The following NAV2 variants were observed in gnomAD, a reference collection of about 807,000 sequenced individuals.
NAV2 encodes neuron navigator 2.
A neutral mutation model predicts 223.2 loss-of-function variants in NAV2; 54 were observed. That is an observed-to-expected ratio of 0.24 (90% confidence interval 0.19 to 0.30). The LOEUF is 0.30. Among genes scored for constraint, NAV2 ranks in the 10% least tolerant of loss-of-function variants. NAV2 has a pLI of 1.00. For synonymous variants in NAV2, 1,279 were observed against 1,239.3 expected (o/e 1.03, Z -0.67); for missense variants, 2,806 against 3,147.5 (o/e 0.89, Z 2.60).
intron 1 of NAV2, among the ~76,000 whole-genome samples, chr11:19,608,866 C>A (rs2046553606): frequency 6.6e-6 from 1 of 152,206 alleles, no homozygotes; most frequent in South Asian, 2.1e-4. Context: ...GAGGGAGAAT[C>A]AATTTCCTTG....
chr11:19,517,474 A>G (rs1337477737), intron 1 of NAV2, among the ~76,000 whole-genome samples: 1 of 152,204 alleles, frequency 6.6e-6, no homozygotes, highest in African/African-American at 2.4e-5. Context: ...GCCCATCTGT[A>G]CCTGGCACTT....
At chr11:19,640,197 T>G (rs2047626649) in intron 1 of NAV2, among the ~76,000 whole-genome samples, 2 of 152,184 alleles carry the variant, frequency 1.3e-5, no homozygotes, top group African/African-American at 4.8e-5. Context: ...GGAATGGCAT[T>G]TTCCAAGCAG....
At chr11:19,600,925 A>C (rs1238514520) in intron 1 of NAV2, among the ~76,000 whole-genome samples, 1 of 152,184 alleles carries the variant, frequency 6.6e-6, no homozygotes, top group South Asian at 2.1e-4. Flanking sequence ...CTACTATACC[A>C]TGTGACTTTG....
At chr11:19,803,828 A>G (rs1261593141) in intron 1 of NAV2, among the ~76,000 whole-genome samples, 1 of 152,248 alleles carries the variant, frequency 6.6e-6, no homozygotes. Context: ...TAAAAGTAAT[A>G]GCAATCTGAC....
chr11:19,870,587 T>C (rs138184713), intron 4 of NAV2, among the ~76,000 whole-genome samples: 11 of 152,170 alleles, frequency 7.2e-5, no homozygotes, highest in East Asian at 1.9e-4. Context: ...GTTCTCCCCA[T>C]CTGTCCCATC....
intron 1 of NAV2, among the ~76,000 whole-genome samples, chr11:19,687,074 G>A (rs7104805): frequency 0.73 from 110,469 of 152,048 alleles, 41,592 homozygotes; most frequent in Admixed American, 0.86. Flanking sequence ...CCTCCCCTCC[G>A]AGGACCTGCT....
chr11:19,541,512 C>T (rs1590459213), intron 1 of NAV2, among the ~76,000 whole-genome samples: 1 of 152,370 alleles, frequency 6.6e-6, no homozygotes, highest in East Asian at 1.9e-4. Context: ...CCATGTGACT[C>T]TGGCTGTCTC....
chr11:20,035,904 CTGAGCTGGAACAGCCTGAGGTTT>C, intron 11 of NAV2, 32 bp from the exon 12 acceptor site: 14 of 1,608,834 alleles, frequency 8.7e-6, no homozygotes, highest in Non-Finnish European at 1.2e-5. Context: ...TGTCATCAGC[CTGAGCTGGAACAGCCTGAGGTTT>C]TGGTGCTCAG....
At chr11:20,116,450 T>G (rs987286304) in intron 37 of NAV2, among the ~76,000 whole-genome samples, 1 of 152,216 alleles carries the variant, frequency 6.6e-6, no homozygotes, top group African/African-American at 2.4e-5. Context: ...GAAAGAAGCA[T>G]ACTTTAAACA....
At position 20,092,142 on chromosome 11, in the gene NAV2, T is replaced by C. The variant is rs1592105024; in HGVS notation, c.5653-64T>C. 9 of 1,530,000 alleles carry C rather than the reference T, an allele frequency of 5.9e-6. No homozygotes were observed. In the Admixed American group the frequency reaches 1.6e-4, roughly 27 times the overall value. The allele number at this position is 1,530,000 out of a possible 1,614,324, so 94.8% of individuals were successfully genotyped here. A position where few individuals can be genotyped will look rare whatever the true frequency, so the allele number is the denominator to read the frequency against. On this transcript the variant is annotated intron_variant, in intron 27 of 37. Coordinates refer to ENST00000349880, the MANE Select transcript of NAV2 (RefSeq NM_145117.5). ...CTGCAGGGAACTTTCAGATCCTTCC[T>C]TCAGAAAAATCTTGTTCACATTACT...
chr11:19,934,095 G>T lies in NAV2; in HGVS notation c.1851G>T (p.Ala617=). Residue 617 remains alanine, a synonymous_variant, in exon 7 of 38, where the codon GCG becomes GCT. Coordinates refer to ENST00000349880, the MANE Select transcript of NAV2 (RefSeq NM_145117.5). ...GRHSSSSSSL[A]SSEGKGPGGT... is the part of the protein sequence containing the mutation. ...ACTCCAGTTCCTCTTCCAGCCTGGC[G>T]TCCTCAGAAGGAAAAGGCCCAGGAG... 6.2e-7 allele frequency: 1 copy of T among 1,613,200 alleles called. No homozygotes were observed. Among genetic ancestry groups the T allele is most frequent in the Non-Finnish European group, 8.5e-7 (1 of 1,179,634 alleles).
intron 1 of NAV2, among the ~76,000 whole-genome samples, chr11:19,395,830 G>A (rs1031534750): frequency 3.9e-5 from 6 of 152,184 alleles, no homozygotes; most frequent in African/African-American, 1.4e-4. Context: ...CTAGGGCTAT[G>A]TGTAGACATG....
chr11:19,537,959 A>G (rs4281465), intron 1 of NAV2, among the ~76,000 whole-genome samples: 17,931 of 152,212 alleles, frequency 0.12, 1,190 homozygotes, highest in African/African-American at 0.17. Flanking sequence ...AAAGCACCTG[A>G]GTCCCAAAGA....
chr11:19,480,838 C>G (rs772538733), intron 1 of NAV2, among the ~76,000 whole-genome samples: 1 of 152,222 alleles, frequency 6.6e-6, no homozygotes, highest in Admixed American at 6.5e-5. Flanking sequence ...GGCTCCCAGA[C>G]CAGCTGCTGC....
chr11:19,411,042 C>T (rs980793643), intron 1 of NAV2, among the ~76,000 whole-genome samples: 13 of 152,166 alleles, frequency 8.5e-5, no homozygotes, highest in African/African-American at 3.1e-4. Flanking sequence ...TTTTGCATTC[C>T]TCCAGGGCAT....
intron 1 of NAV2, among the ~76,000 whole-genome samples, chr11:19,829,625 C>T (rs2059821730): frequency 6.6e-6 from 1 of 152,136 alleles, no homozygotes; most frequent in Non-Finnish European, 1.5e-5. Flanking sequence ...TTGCAAATGA[C>T]AACACTTAGG....
At chr11:19,993,140 A>G (rs1230492214) in intron 11 of NAV2, among the ~76,000 whole-genome samples, 1 of 152,174 alleles carries the variant, frequency 6.6e-6, no homozygotes, top group African/African-American at 2.4e-5. Context: ...AAATAACTTC[A>G]TGTGTTTTAA....
At chr11:19,472,187 A>G (rs1042619023) in intron 1 of NAV2, among the ~76,000 whole-genome samples, 6 of 152,134 alleles carry the variant, frequency 3.9e-5, no homozygotes, top group Admixed American at 2.6e-4. Context: ...ATTCTCTTAT[A>G]GTAAGCTGGA....
chr11:19,856,954 G>A (rs1024774323), intron 3 of NAV2, among the ~76,000 whole-genome samples: 2 of 152,344 alleles, frequency 1.3e-5, no homozygotes, highest in African/African-American at 2.4e-5. Flanking sequence ...ATAAGCTGCC[G>A]ATAGTGGCAA....
Sources: allele counts gnomAD v4.1 joint callset (sites outside exome capture counted in the v4.1 genomes callset), GRCh38; gene constraint gnomAD v4.1.1; transcripts MANE v1.5; gene names NCBI Gene and HGNC (gene_info 2026-07-23, HGNC 2026-07-21).